OTUD7A: variants seen among roughly 807,000 people sequenced by gnomAD.
OTUD7A encodes the protein OTU domain-containing protein 7A.
In OTUD7A, 12 loss-of-function variants were observed where a neutral mutation model predicts 65.7. The ratio of observed to expected loss-of-function variants is 0.18; its 90% CI spans 0.12 to 0.30. OTUD7A has a LOEUF of 0.30. OTUD7A is among the 10% of genes least tolerant of loss of function. The pLI is 1.00. For synonymous variants in OTUD7A, 641 were observed against 586.3 expected, an observed-to-expected ratio of 1.09 and a Z score of -1.35; for missense variants, 1,148 against 1,304.8, an observed-to-expected ratio of 0.88 and a Z score of 1.85.
At chr15:31,681,080 T>C in intron 1 of OTUD7A, among the ~76,000 whole-genome samples, 1 of 150,300 alleles carries the variant, frequency 6.7e-6, no homozygotes, top group South Asian at 2.1e-4. Flanking sequence ...CTCCCTTTCT[T>C]GTTCCACCCA....
chr15:31,610,615 A>ATTTTTTTTTTTTTT (rs1336235314), intron 3 of OTUD7A, among the ~76,000 whole-genome samples: 10 of 32,828 alleles, frequency 3.0e-4, no homozygotes, highest in East Asian at 1.5e-3. Flanking sequence ...ATATATATAT[A>ATTTTTTTTTTTTTT]TATTTTTTTT....
chr15:31,755,572 AT>A (rs781740161), intron 1 of OTUD7A, among the ~76,000 whole-genome samples: 3 of 152,086 alleles, frequency 2.0e-5, no homozygotes, highest in Non-Finnish European at 4.4e-5. Context: ...ATACAAAAAA[AT>A]TAGCCAGGCG....
intron 1 of OTUD7A, among the ~76,000 whole-genome samples, chr15:31,822,829 C>T (rs1008172817): frequency 6.6e-6 from 1 of 152,194 alleles, no homozygotes; most frequent in Non-Finnish European, 1.5e-5. Context: ...ATAGACTTGA[C>T]CTCAAAGTGG....
In OTUD7A at chr15:31,766,315, T is replaced by C; in HGVS notation, c.-100+104192A>G. ...ACATTTTGACTCATTCGGGAAATCATACGCATTAAAAGTTGAAGCTTTCTA... is the reference window on the plus strand; with the variant it reads ...ACATTTTGACTCATTCGGGAAATCACACGCATTAAAAGTTGAAGCTTTCTA... On this transcript the variant is annotated intron_variant, in intron 1 of 12. Transcript: ENST00000307050. The C allele has an allele frequency of 1.9e-6, 3 of 1,606,426 alleles. 1 individual carries two copies. The highest frequency in any genetic ancestry group is 2.2e-5 in the South Asian group (2 of 90,894).
chr15:31,484,095 G>A lies in OTUD7A; in HGVS notation c.2001C>T (p.Ser667=). 1 of 1,601,704 alleles carries A rather than the reference G, an allele frequency of 6.2e-7. No homozygotes were observed. The highest frequency in any genetic ancestry group is 8.5e-7 in the Non-Finnish European group (1 of 1,178,712). Residue 667 remains serine (S), a synonymous_variant, in exon 13 of 13, where the codon AGC becomes AGT. Transcript: ENST00000307050. The surrounding 1 kb of genome is among the most constrained non-coding windows in gnomAD (Gnocchi z 4.5). ...GCTCGGCGCTGAAGCGCTCCTGCGC[G>A]CTCGTCAGGTAGTAGCCGATCATCT... is the stretch of plus-strand genomic sequence containing the variant. ...HEEMIGYYLT[S]AQERFSAEQE... is the part of the protein sequence containing the mutation.
intron 1 of OTUD7A, among the ~76,000 whole-genome samples, chr15:31,714,457 T>G (rs367661179): frequency 6.6e-6 from 1 of 152,182 alleles, no homozygotes; most frequent in East Asian, 1.9e-4. Context: ...AGGGGGCAGA[T>G]GCCTGCATCT....
At position 31,483,312 on chromosome 15, in the gene OTUD7A, C is replaced by G; in HGVS notation, c.2784G>C (p.Ala928=). 1 of 1,192,976 alleles carries G rather than the reference C, an allele frequency of 8.4e-7. No homozygotes were observed. The highest frequency in any genetic ancestry group is 3.5e-4 in the Middle Eastern group (1 of 2,892). 73.9% of individuals were successfully genotyped at this position (1,192,976 alleles called of 1,614,324 possible). Residue 928 remains alanine, a synonymous_variant, in exon 13 of 13, where the codon GCG becomes GCC. Transcript: ENST00000307050. ...GCGCCGCTCAGGGCCGGGCCCCGCG[C>G]GCCTCGCGCCGCCGCCGCAGCTCCT... The part of the protein sequence containing the change: ...YREELRRRRE[A]RGARP
intron 4 of OTUD7A, among the ~76,000 whole-genome samples, chr15:31,566,084 G>C (rs549472823): frequency 6.6e-6 from 1 of 151,796 alleles, no homozygotes; most frequent in African/African-American, 2.4e-5. Context: ...CCAGTTACTC[G>C]GGAGGCTGAA....
At chr15:31,870,233 G>T (rs1003840332) in intron 1 of OTUD7A, among the ~76,000 whole-genome samples, 1 of 148,550 alleles carries the variant, frequency 6.7e-6, no homozygotes, top group African/African-American at 2.4e-5. Flanking sequence ...GCCCGAGAGA[G>T]GCGCGCCACG....
intron 1 of OTUD7A, among the ~76,000 whole-genome samples, chr15:31,861,566 T>C (rs1441677155): frequency 2.0e-5 from 3 of 152,144 alleles, no homozygotes; most frequent in African/African-American, 7.2e-5. Flanking sequence ...TCCCAACTGG[T>C]TGCATGCCGT....
intron 3 of OTUD7A, among the ~76,000 whole-genome samples, chr15:31,608,504 G>C (rs780589426): frequency 3.3e-5 from 5 of 152,182 alleles, no homozygotes; most frequent in Non-Finnish European, 7.4e-5. Flanking sequence ...AAAAGCACAA[G>C]ACCATACACA....
intron 10 of OTUD7A, among the ~76,000 whole-genome samples, chr15:31,489,366 G>T (rs887140649): frequency 3.2e-4 from 49 of 152,220 alleles, no homozygotes; most frequent in African/African-American, 1.2e-3. Flanking sequence ...TCTAGAACAA[G>T]AATAATCTGT....
At chr15:31,686,455 T>G (rs1353231969) in intron 1 of OTUD7A, among the ~76,000 whole-genome samples, 1 of 152,268 alleles carries the variant, frequency 6.6e-6, no homozygotes, top group Non-Finnish European at 1.5e-5. Context: ...ACTCAGTGAT[T>G]TCCTTGGTGT....
rs754271674 is a variant in OTUD7A, at chr15:31,493,380, T to C, written c.1172-5814A>G. Among the ~76,000 whole-genome samples, 56 of 152,156 alleles carry C rather than the reference T, an allele frequency of 3.7e-4. 1 individual carries two copies. The highest frequency in any genetic ancestry group is 5.9e-4 in the Admixed American group (9 of 15,268). ...GCATGCTAACAACATAGCTTCAAAGTACATGAAGCAAATACTAACAAAAAT... is the reference window on the plus strand; with the variant it reads ...GCATGCTAACAACATAGCTTCAAAGCACATGAAGCAAATACTAACAAAAAT... On this transcript the variant is annotated intron_variant, in intron 10 of 12. Coordinates refer to ENST00000307050, the MANE Select transcript of OTUD7A (RefSeq NM_001382637.1).
chr15:31,607,142 A>G (rs1331042528), intron 3 of OTUD7A, among the ~76,000 whole-genome samples: 4 of 152,208 alleles, frequency 2.6e-5, no homozygotes, highest in Non-Finnish European at 4.4e-5. Flanking sequence ...CAAGAGAGAT[A>G]AACTAGCATT....
intron 3 of OTUD7A, among the ~76,000 whole-genome samples, chr15:31,636,061 ATTT>A (rs1891331920): frequency 6.6e-6 from 1 of 152,262 alleles, no homozygotes; most frequent in Admixed American, 6.5e-5. Flanking sequence ...AAATGCACAT[ATTT>A]AAGTTTATAA....
intron 1 of OTUD7A, among the ~76,000 whole-genome samples, chr15:31,848,611 G>C (rs1173147906): frequency 1.3e-5 from 2 of 152,072 alleles, no homozygotes; most frequent in East Asian, 3.8e-4. Flanking sequence ...GCCTTCCCCT[G>C]GTCTGACTCA....
At chr15:31,601,860 C>G (rs528927383) in intron 3 of OTUD7A, among the ~76,000 whole-genome samples, 1 of 152,176 alleles carries the variant, frequency 6.6e-6, no homozygotes, top group Admixed American at 6.5e-5. Flanking sequence ...CTAGAAGAAA[C>G]GGATAAATTC....
At chr15:31,569,566 A>G (rs986343303) in intron 4 of OTUD7A, among the ~76,000 whole-genome samples, 2 of 152,204 alleles carry the variant, frequency 1.3e-5, no homozygotes, top group East Asian at 1.9e-4. Flanking sequence ...TTTTCCTCAT[A>G]TATCTCTGTA....
Sources: allele counts gnomAD v4.1 joint callset (sites outside exome capture counted in the v4.1 genomes callset), GRCh38; gene constraint gnomAD v4.1.1; non-coding constraint Gnocchi (gnomAD v3.1); transcripts MANE v1.5; gene names NCBI Gene and HGNC (gene_info 2026-07-23, HGNC 2026-07-21).